COL4A1: variants seen among roughly 807,000 people sequenced by gnomAD.
COL4A1 encodes collagen type IV alpha 1 chain, also known as collagen alpha-1(IV) chain.
Under a neutral mutation model 216.6 loss-of-function variants are expected in COL4A1, and 40 were observed. The ratio of observed to expected loss-of-function variants is 0.18; its 90% CI spans 0.14 to 0.24. COL4A1 has a LOEUF of 0.24. Among genes scored for constraint, COL4A1 ranks in the 10% least tolerant of loss-of-function variants. COL4A1 has a pLI of 1.00. For synonymous variants in COL4A1, 839 were observed against 810.7 expected (o/e 1.03, Z -0.59); for missense variants, 1,628 against 2,196.8 (o/e 0.74, Z 5.18).
At chr13:110,227,741 G>C (rs1218250797) in intron 2 of COL4A1, among the ~76,000 whole-genome samples, 2 of 152,238 alleles carry the variant, frequency 1.3e-5, no homozygotes, top group African/African-American at 4.8e-5. Context: ...GTTCTCCACA[G>C]GGAGAATCAG....
chr13:110,167,797 A>G (rs898758606), intron 43 of COL4A1, among the ~76,000 whole-genome samples: 1 of 152,176 alleles, frequency 6.6e-6, no homozygotes, highest in Non-Finnish European at 1.5e-5. Context: ...TTTCCATTTC[A>G]ACAAGTCGTT....
chr13:110,279,975 G>A (rs562643255), intron 1 of COL4A1, among the ~76,000 whole-genome samples: 6 of 152,278 alleles, frequency 3.9e-5, no homozygotes, highest in African/African-American at 1.4e-4. Context: ...GAACTCCAGT[G>A]TCTGCACATT....
rs1246024842 is a variant in COL4A1 at position 110,268,288 on chromosome 13, G to A, written c.85-25554C>T. Reference sequence around the variant, plus strand: ...GAATGGCTCTGCACACTCCTGTGATGAGCACTCTGATGCCTGTCGTGCCAG... The same window carrying A: ...GAATGGCTCTGCACACTCCTGTGATAAGCACTCTGATGCCTGTCGTGCCAG... On this transcript the variant is annotated intron_variant, in intron 1 of 51. Coordinates refer to ENST00000375820, the MANE Select transcript of COL4A1 (RefSeq NM_001845.6). The surrounding 1 kb of genome is among the most constrained non-coding windows in gnomAD (Gnocchi z 4.1). Among the ~76,000 whole-genome samples the A allele has an allele frequency of 6.6e-6, 1 of 152,158 alleles. No homozygotes were observed. Among genetic ancestry groups the A allele is most frequent in the Admixed American group, 6.5e-5 (1 of 15,278 alleles).
At chr13:110,280,449 G>C (rs1036297456) in intron 1 of COL4A1, among the ~76,000 whole-genome samples, 3 of 152,170 alleles carry the variant, frequency 2.0e-5, no homozygotes, top group Non-Finnish European at 4.4e-5. Flanking sequence ...ACATCACAAA[G>C]TCACCATTAT....
intron 1 of COL4A1, among the ~76,000 whole-genome samples, chr13:110,249,952 T>C (rs1043282622): frequency 1.3e-5 from 2 of 152,210 alleles, no homozygotes; most frequent in Non-Finnish European, 2.9e-5. Context: ...AAAATCATTG[T>C]GCTTTCATCT....
At chr13:110,152,185 C>G in intron 51 of COL4A1, 149 bp downstream of exon 51, 1 of 1,268,634 alleles carries the variant, frequency 7.9e-7, no homozygotes, top group Non-Finnish European at 1.1e-6. Flanking sequence ...AAAATCGTCT[C>G]GGTCATCTGC....
At position 110,172,722 on chromosome 13, in the gene COL4A1, T is replaced by C; in HGVS notation, c.3554A>G (p.Lys1185Arg). Residue 1185 changes from lysine (K) to arginine (R), a missense_variant and splice_region_variant, in exon 41 of 52, where the codon AAA becomes AGA. Around this residue, in one of 8 missense-constraint regions of COL4A1, gnomAD observed 345 missense variants for 476.9 expected, o/e 0.72. Transcript: ENST00000375820. ...FPGFPGAKGD[K>R]GSKGEVGFPG... ...AGAGCACAGTGAGCAAAGATTACCT[T>C]TGTCTCCTTTGGCCCCTGGAAACCC... 1 of 1,613,760 alleles carries C rather than the reference T, an allele frequency of 6.2e-7. No homozygotes were observed. The highest frequency in any genetic ancestry group is 8.5e-7 in the Non-Finnish European group (1 of 1,179,658).
At chr13:110,158,805 C>T (rs1022526924) in intron 49 of COL4A1, among the ~76,000 whole-genome samples, 2 of 139,470 alleles carry the variant, frequency 1.4e-5, no homozygotes, top group Admixed American at 7.7e-5. Flanking sequence ...TGCAATGGTG[C>T]GATCCTGGCT....
chr13:110,271,054 A>G (rs1883228283), intron 1 of COL4A1, among the ~76,000 whole-genome samples: 1 of 152,236 alleles, frequency 6.6e-6, no homozygotes, highest in Non-Finnish European at 1.5e-5. Flanking sequence ...TTGAAAAACA[A>G]TGATGGAAAT....
intron 1 of COL4A1, among the ~76,000 whole-genome samples, chr13:110,271,159 C>A (rs982744488): frequency 1.3e-5 from 2 of 152,170 alleles, no homozygotes; most frequent in African/African-American, 4.8e-5. Flanking sequence ...AAAGGGAAAG[C>A]TCTTCCCTTC....
chr13:110,200,163 G>A (rs1050266609), intron 20 of COL4A1, among the ~76,000 whole-genome samples: 4 of 152,276 alleles, frequency 2.6e-5, no homozygotes, highest in Non-Finnish European at 5.9e-5. Flanking sequence ...TAGGGCACGT[G>A]AGCGTTTCCA....
intron 15 of COL4A1, 32 bp downstream of exon 15, chr13:110,206,633 T>A (rs1879529590): frequency 1.2e-6 from 2 of 1,612,396 alleles, no homozygotes; most frequent in Non-Finnish European, 1.7e-6. Flanking sequence ...GGAGAATTGT[T>A]TTATGATAAA....
intron 21 of COL4A1, among the ~76,000 whole-genome samples, chr13:110,198,117 GTC>G (rs1491198458): frequency 1.3e-5 from 2 of 151,132 alleles, no homozygotes; most frequent in African/African-American, 4.9e-5. Flanking sequence ...GTGTGTGTGT[GTC>G]CTAGTATTCA....
At chr13:110,283,614 G>C (rs1283740867) in intron 1 of COL4A1, among the ~76,000 whole-genome samples, 1 of 152,132 alleles carries the variant, frequency 6.6e-6, no homozygotes, top group Non-Finnish European at 1.5e-5. Flanking sequence ...GCACACATAT[G>C]AACACAATGC....
At chr13:110,300,794 A>G (rs1888007) in intron 1 of COL4A1, among the ~76,000 whole-genome samples, 144,508 of 152,324 alleles carry the variant, frequency 0.95, 68,849 homozygotes, top group Non-Finnish European at 0.99. Context: ...CTGATTCTAA[A>G]AGCAACAGAA....
In COL4A1 at chr13:110,203,625, A is replaced by C. The variant is rs1190095400; in HGVS notation, c.958-18T>G. On this transcript the variant is annotated intron_variant, in intron 17 of 51. Coordinates refer to ENST00000375820, the MANE Select transcript of COL4A1 (RefSeq NM_001845.6). ...TTTTCTCCCTACAAAAGAAAAAATA[A>C]CTTTCCTTGCATATTCTTACTATAA... 7 of 1,614,062 alleles carry C rather than the reference A, an allele frequency of 4.3e-6. No individual in the cohort carries two copies. The highest frequency in any genetic ancestry group is 5.9e-6 in the Non-Finnish European group (7 of 1,179,914).
chr13:110,284,059 G>C (rs940173875), intron 1 of COL4A1, among the ~76,000 whole-genome samples: 6 of 152,222 alleles, frequency 3.9e-5, no homozygotes, highest in African/African-American at 1.4e-4. Flanking sequence ...CTGTAGGTCA[G>C]GCCACCAACG....
chr13:110,261,083 G>A (rs1300075120), intron 1 of COL4A1, among the ~76,000 whole-genome samples: 1 of 141,690 alleles, frequency 7.1e-6, no homozygotes, highest in East Asian at 2.2e-4. Context: ...TCTGTTATGT[G>A]TATTTTACCA....
At chr13:110,170,838 C>G in intron 41 of COL4A1, 106 bp from the exon 42 acceptor site, 1 of 1,238,312 alleles carries the variant, frequency 8.1e-7, no homozygotes, top group Non-Finnish European at 1.2e-6. Context: ...CCTGTAGGTA[C>G]CGCTCAGAGG....
Sources: allele counts gnomAD v4.1 joint callset (sites outside exome capture counted in the v4.1 genomes callset), GRCh38; gene constraint gnomAD v4.1.1; regional missense constraint gnomAD v4.1.1; non-coding constraint Gnocchi (gnomAD v3.1); transcripts MANE v1.5; gene names NCBI Gene and HGNC (gene_info 2026-07-23, HGNC 2026-07-21).